Variants in GDF6 observed in about 807,000 individuals in gnomAD.
GDF6 encodes the protein growth/differentiation factor 6.
A neutral mutation model predicts 32.4 loss-of-function variants in GDF6; 3 were observed. The observed-to-expected ratio is 0.09, with a 90% CI of 0.04 to 0.24. The LOEUF is 0.24. Among genes scored for constraint, GDF6 ranks in the 10% least tolerant of loss-of-function variants. GDF6 has a pLI of 1.00. For synonymous variants in GDF6, 296 were observed against 295.3 expected (o/e 1.00, Z -0.03); for missense variants, 589 against 637.9 (o/e 0.92, Z 0.83).
At position 96,160,534 on chromosome 8, in the gene GDF6, C is replaced by T. The variant is rs369474176; in HGVS notation, c.159G>A (p.Arg53=). The change falls in exon 1 of 2, where the codon CGG becomes CGA. Residue 53 remains arginine, a synonymous_variant. Coordinates refer to ENST00000287020, the MANE Select transcript of GDF6 (RefSeq NM_001001557.4). The part of the protein sequence containing the change: ...MRSRKEGKMQ[R]APRDSDAGRE... ...GGCCCGCGTCACTGTCGCGCGGCGC[C>T]CGCTGCATCTTGCCTTCCTTGCGGC... 3.7e-6 allele frequency: 6 copies of T among 1,613,384 alleles called. No individual in the cohort carries two copies. Among genetic ancestry groups the T allele is most frequent in the Non-Finnish European group, 5.1e-6 (6 of 1,179,700 alleles).
At chr8:96,150,149 G>A (rs892107500) in intron 1 of GDF6, among the ~76,000 whole-genome samples, 1 of 152,186 alleles carries the variant, frequency 6.6e-6, no homozygotes, top group African/African-American at 2.4e-5. Context: ...GTGCACCCAC[G>A]GCTCCAACTT....
At position 96,142,492 on chromosome 8, in the gene GDF6, T is replaced by C. The variant is rs1812389356; in HGVS notation, c.*2071A>G. Reference sequence around the variant, plus strand: ...TAGACAGTTTAAAAAAAACTCTCCATTAGACAGACTTAAAATTTTGTAATA... The same window carrying C: ...TAGACAGTTTAAAAAAAACTCTCCACTAGACAGACTTAAAATTTTGTAATA... On this transcript the variant is annotated 3_prime_UTR_variant, in exon 2 of 2. Transcript: ENST00000287020. 1.3e-5 allele frequency: 2 copies of C among 152,502 alleles called. No individual in the cohort carries two copies. The highest frequency in any genetic ancestry group is 2.9e-5 in the Non-Finnish European group (2 of 68,032). The allele number at this position is 152,502 out of a possible 1,614,324, so 9.4% of individuals were successfully genotyped here.
chr8:96,142,615 A>G lies in GDF6; in HGVS notation c.*1948T>C, dbSNP rs552084914. The G allele has an allele frequency of 1.3e-5, 2 of 152,822 alleles. No homozygotes were observed. The highest frequency in any genetic ancestry group is 4.1e-4 in the South Asian group (2 of 4,832). The allele number at this position is 152,822 out of a possible 1,614,324, so 9.5% of individuals were successfully genotyped here. A position where few individuals can be genotyped will look rare whatever the true frequency, so the allele number is the denominator to read the frequency against. Reference sequence around the variant, plus strand: ...ATAAACTTTAAAAATATTAGAAATTATAACATTTGAGTGCATATAACGTTT... The same window carrying G: ...ATAAACTTTAAAAATATTAGAAATTGTAACATTTGAGTGCATATAACGTTT... On this transcript the variant is annotated 3_prime_UTR_variant, in exon 2 of 2. Transcript: ENST00000287020.
intron 1 of GDF6, among the ~76,000 whole-genome samples, chr8:96,148,806 T>G (rs1263557412): frequency 6.6e-6 from 1 of 152,278 alleles, no homozygotes; most frequent in East Asian, 1.9e-4. Context: ...TTTTTATCCT[T>G]TCAGCCACAA....
At chr8:96,155,576 G>A (rs1412130568) in intron 1 of GDF6, among the ~76,000 whole-genome samples, 1 of 152,180 alleles carries the variant, frequency 6.6e-6, no homozygotes, top group Non-Finnish European at 1.5e-5. Flanking sequence ...CCGTGCCCGC[G>A]CTCATGCAGG....
In GDF6 at chr8:96,160,790, G is replaced by A; in HGVS notation, c.-98C>T. 3 of 1,225,874 alleles carry A rather than the reference G, an allele frequency of 2.4e-6. No homozygotes were observed. Among genetic ancestry groups the A allele is most frequent in the Non-Finnish European group, 3.4e-6 (3 of 877,532 alleles). The allele number at this position is 1,225,874 out of a possible 1,614,324, so 75.9% of individuals were successfully genotyped here. The stretch of plus-strand genomic sequence containing the variant: ...GACAGCGGCCGGGGCCCGGCTCCTC[G>A]GGCGGACTCGGAGTGCGAGGAGCCG... On this transcript the variant is annotated 5_prime_UTR_variant, in exon 1 of 2. Coordinates refer to ENST00000287020, the MANE Select transcript of GDF6 (RefSeq NM_001001557.4).
In GDF6 at chr8:96,143,578, A is replaced by G. The variant is rs913763920; in HGVS notation, c.*985T>C. On this transcript the variant is annotated 3_prime_UTR_variant, in exon 2 of 2. Transcript: ENST00000287020. ...AAAATCACCTTCCCCTTAGAAGTGC[A>G]TGTCTGAATTTTGGCAAATTCTGTT... 2.0e-5 allele frequency: 3 copies of G among 152,666 alleles called. No homozygotes were observed. Among genetic ancestry groups the G allele is most frequent in the African/African-American group, 7.2e-5 (3 of 41,448 alleles). The allele number at this position is 152,666 out of a possible 1,614,324, so 9.5% of individuals were successfully genotyped here. A position where few individuals can be genotyped will look rare whatever the true frequency, so the allele number is the denominator to read the frequency against.
intron 1 of GDF6, among the ~76,000 whole-genome samples, chr8:96,157,802 G>A (rs1423051139): frequency 6.6e-6 from 1 of 152,194 alleles, no homozygotes; most frequent in South Asian, 2.1e-4. Flanking sequence ...AGATCGCTGA[G>A]TTGAAACACT....
rs554562933 is a variant in GDF6 at position 96,145,766 on chromosome 8, C to T, written c.407-242G>A. Among the ~76,000 whole-genome samples, 330 of 152,254 alleles carry T rather than the reference C, an allele frequency of 2.2e-3. 3 individuals carry two copies. The highest frequency in any genetic ancestry group is 7.7e-3 in the African/African-American group (322 of 41,564). On this transcript the variant is annotated intron_variant, in intron 1 of 1. Transcript: ENST00000287020. This position sits in a 1 kb window ranked among gnomAD's most constrained non-coding sequence, Gnocchi z 5.6. ...AGCTCCGGACTCTCAGGGCGGAAGT[C>T]GGTGGCTGCTGGCGAGGCGGCGGCG...
At position 96,145,569 on chromosome 8, in the gene GDF6, G is replaced by C; in HGVS notation, c.407-45C>G. 1.3e-6 allele frequency: 2 copies of C among 1,596,366 alleles called. No homozygotes were observed. The highest frequency in any genetic ancestry group is 1.1e-5 in the South Asian group (1 of 90,358). On this transcript the variant is annotated intron_variant, in intron 1 of 1. Transcript: ENST00000287020. The surrounding 1 kb of genome is among the most constrained non-coding windows in gnomAD (Gnocchi z 5.6). ...TACAGTCAGTTTCACTTAAGGGGGA[G>C]ATCAGCCCGGTGCTCTTCGGCCGCC...
chr8:96,152,184 A>G (rs1812579612), intron 1 of GDF6, among the ~76,000 whole-genome samples: 1 of 152,218 alleles, frequency 6.6e-6, no homozygotes, highest in African/African-American at 2.4e-5. Context: ...TCTGAAGTCA[A>G]GTGAAAGTCA....
At chr8:96,158,085 G>A (rs1812698965) in intron 1 of GDF6, among the ~76,000 whole-genome samples, 1 of 152,190 alleles carries the variant, frequency 6.6e-6, no homozygotes, top group Non-Finnish European at 1.5e-5. Flanking sequence ...AGACGCGGAG[G>A]AGACAGCGCC....
chr8:96,151,028 G>A (rs1383775926), intron 1 of GDF6, among the ~76,000 whole-genome samples: 3 of 152,226 alleles, frequency 2.0e-5, no homozygotes, highest in Non-Finnish European at 2.9e-5. Context: ...TCCTCCTGGA[G>A]TGTGAAGGGC....
chr8:96,153,410 AC>A (rs1812603635), intron 1 of GDF6, among the ~76,000 whole-genome samples: 2 of 152,180 alleles, frequency 1.3e-5, no homozygotes, highest in Admixed American at 1.3e-4. Context: ...TGAAACCCAA[AC>A]CGAAGCTCTC....
At chr8:96,154,583 T>C (rs1812628091) in intron 1 of GDF6, among the ~76,000 whole-genome samples, 1 of 152,128 alleles carries the variant, frequency 6.6e-6, no homozygotes, top group Admixed American at 6.5e-5. Flanking sequence ...ATTCCACACC[T>C]CGAGGGCTCG....
In GDF6 at chr8:96,158,295, G is replaced by A. The variant is rs144599895; in HGVS notation, c.406+1992C>T. Among the ~76,000 whole-genome samples, 17 of 152,322 alleles carry A rather than the reference G, an allele frequency of 1.1e-4. No homozygotes were observed. In the East Asian group the frequency reaches 3.1e-3, roughly 28 times the overall value. On this transcript the variant is annotated intron_variant, in intron 1 of 1. Coordinates refer to ENST00000287020, the MANE Select transcript of GDF6 (RefSeq NM_001001557.4). ...CCCTCCTCTATCTCCAGGATCGGGG[G>A]CATACAGCGCAGTGGCGGGGATGGG...
At chr8:96,153,421 C>G (rs547660237) in intron 1 of GDF6, among the ~76,000 whole-genome samples, 1 of 152,336 alleles carries the variant, frequency 6.6e-6, no homozygotes, top group East Asian at 1.9e-4. Context: ...CCGAAGCTCT[C>G]GTACTGTTCC....
At chr8:96,158,543 C>G (rs1479017168) in intron 1 of GDF6, among the ~76,000 whole-genome samples, 1 of 152,180 alleles carries the variant, frequency 6.6e-6, no homozygotes, top group Admixed American at 6.5e-5. Flanking sequence ...CCACTTCATT[C>G]CCGGGCAAAG....
At position 96,145,809 on chromosome 8, in the gene GDF6, C is replaced by T. The variant is rs544070201; in HGVS notation, c.407-285G>A. On this transcript the variant is annotated intron_variant, in intron 1 of 1. Transcript: ENST00000287020. This position sits in a 1 kb window ranked among gnomAD's most constrained non-coding sequence, Gnocchi z 5.6. The stretch of plus-strand genomic sequence containing the variant: ...CGGCGGCGGCGGCCTACCGGGTTTT[C>T]CCCCCAAAAGGCTTCGTAACCACTA... Among the ~76,000 whole-genome samples the T allele has an allele frequency of 3.3e-5, 5 of 152,256 alleles. No homozygotes were observed. Among genetic ancestry groups the T allele is most frequent in the African/African-American group, 9.6e-5 (4 of 41,562 alleles).
Sources: gnomAD v4.1 joint callset for allele counts (sites outside exome capture counted in the v4.1 genomes callset) on GRCh38, gnomAD v4.1.1 for gene constraint, Gnocchi (gnomAD v3.1) non-coding constraint, MANE v1.5 for transcripts, NCBI Gene and HGNC (gene_info 2026-07-23, HGNC 2026-07-21) for gene names.